The following CTNNA2 variants were observed in gnomAD, a reference collection of about 807,000 sequenced individuals.
CTNNA2 encodes the protein catenin alpha 2.
Under a neutral mutation model 101.0 loss-of-function variants are expected in CTNNA2, and 42 were observed. That is an observed-to-expected ratio of 0.42 (90% CI 0.32 to 0.54). The LOEUF is 0.54. Ranked by LOEUF, CTNNA2 falls within the 20% of genes least tolerant of loss-of-function variation. CTNNA2 has a pLI of 0.14. For missense variants in CTNNA2, 871 were observed against 1,223.1 expected, an observed-to-expected ratio of 0.71 and a Z score of 4.29; for synonymous variants, 450 against 456.4, an observed-to-expected ratio of 0.99 and a Z score of 0.18.
intron 17 of CTNNA2, 131 bp downstream of exon 17, chr2:80,608,449 G>T (rs1184305528): frequency 3.4e-6 from 3 of 881,522 alleles, no homozygotes; most frequent in Non-Finnish European, 3.3e-6. Context: ...TTAAATAAAT[G>T]TTATCACCAT....
In CTNNA2 at chr2:80,340,034, A is replaced by G. The variant is rs114242257; in HGVS notation, c.1057-53177A>G. 4.5e-3 allele frequency among the ~76,000 whole-genome samples: 683 copies of G among 152,300 alleles called. 12 individuals are homozygous for G. Among genetic ancestry groups the G allele is most frequent in the South Asian group, 0.024 (114 of 4,828 alleles). On this transcript the variant is annotated intron_variant, in intron 7 of 18. Coordinates refer to ENST00000402739, the MANE Select transcript of CTNNA2 (RefSeq NM_001282597.3). ...CTTACAAAGTATATGCAGCTTTTTC[A>G]TCAAACATACAAGTAATTGCAGAGA...
At chr2:80,260,254 A>G (rs1415622554) in intron 7 of CTNNA2, among the ~76,000 whole-genome samples, 1 of 152,210 alleles carries the variant, frequency 6.6e-6, no homozygotes, top group Non-Finnish European at 1.5e-5. Flanking sequence ...ATAATAAGCA[A>G]CGACCTGGAA....
chr2:79,600,200 A>G lies in CTNNA2; in HGVS notation c.-5-51352A>G, dbSNP rs992727638. On this transcript the variant is annotated intron_variant, in intron 1 of 18. Coordinates refer to ENST00000402739, the MANE Select transcript of CTNNA2 (RefSeq NM_001282597.3). ...GTTATTTTATTTTATTTTTGAGACT[A>G]TGTCTTCCTCTGTCACCCAGGCTGG... Among the ~76,000 whole-genome samples, 10 of 151,350 alleles carry G rather than the reference A, an allele frequency of 6.6e-5. No individual in the cohort carries two copies. The South Asian group carries it at 1.7e-3, about 25-fold the overall frequency.
At chr2:80,263,805 C>T (rs564344010) in intron 7 of CTNNA2, among the ~76,000 whole-genome samples, 1 of 152,190 alleles carries the variant, frequency 6.6e-6, no homozygotes, top group African/African-American at 2.4e-5. Context: ...TCTAGTCTAA[C>T]ACTTGAATAT....
At chr2:80,585,486 T>G (rs535834445) in intron 14 of CTNNA2, among the ~76,000 whole-genome samples, 1 of 152,172 alleles carries the variant, frequency 6.6e-6, no homozygotes, top group African/African-American at 2.4e-5. Context: ...AACTTCAACC[T>G]GTCCTGGGTA....
intron 9 of CTNNA2, among the ~76,000 whole-genome samples, chr2:80,516,470 A>G (rs776410915): frequency 6.6e-6 from 1 of 152,108 alleles, no homozygotes; most frequent in Non-Finnish European, 1.5e-5. Flanking sequence ...CTCCCCATTA[A>G]TGCTCCCCAT....
intron 12 of CTNNA2, among the ~76,000 whole-genome samples, chr2:80,559,705 C>G (rs1395247004): frequency 6.6e-6 from 1 of 152,034 alleles, no homozygotes. Flanking sequence ...CCATTAAATA[C>G]TTACATGGCA....
At chr2:79,343,649 G>T (rs1677188123) in intron 3 of CTNNA2, among the ~76,000 whole-genome samples, 1 of 151,998 alleles carries the variant, frequency 6.6e-6, no homozygotes, top group Non-Finnish European at 1.5e-5. Context: ...ACAATCTCAG[G>T]GATTTGGATT....
chr2:79,917,324 T>C (rs975809302), intron 7 of CTNNA2, among the ~76,000 whole-genome samples: 23 of 152,282 alleles, frequency 1.5e-4, no homozygotes, highest in African/African-American at 5.5e-4. Flanking sequence ...TGCCTTGGCC[T>C]CCCAAAGTGC....
At chr2:80,038,575 G>A (rs1574606948) in intron 7 of CTNNA2, among the ~76,000 whole-genome samples, 1 of 152,254 alleles carries the variant, frequency 6.6e-6, no homozygotes, top group Non-Finnish European at 1.5e-5. Context: ...ACAAAAATTA[G>A]CCAGGCACGG....
At chr2:79,571,851 T>C (rs1366076709) in intron 1 of CTNNA2, among the ~76,000 whole-genome samples, 3 of 152,174 alleles carry the variant, frequency 2.0e-5, no homozygotes, top group South Asian at 2.1e-4. Context: ...CTATTTCCCT[T>C]ACCTTTCCCT....
At chr2:80,169,156 T>C (rs2148959056) in intron 7 of CTNNA2, among the ~76,000 whole-genome samples, 1 of 152,336 alleles carries the variant, frequency 6.6e-6, no homozygotes, top group African/African-American at 2.4e-5. Flanking sequence ...TTGTGGGGCC[T>C]CTTGCCTGGG....
intron 7 of CTNNA2, among the ~76,000 whole-genome samples, chr2:80,098,909 C>T (rs1303249962): frequency 2.0e-5 from 3 of 152,108 alleles, no homozygotes; most frequent in Non-Finnish European, 4.4e-5. Flanking sequence ...TCTGTCACCC[C>T]TTTCTTTGAC....
At chr2:80,504,381 T>A (rs1688109816) in intron 9 of CTNNA2, among the ~76,000 whole-genome samples, 2 of 152,282 alleles carry the variant, frequency 1.3e-5, no homozygotes, top group Middle Eastern at 3.4e-3. Flanking sequence ...GCTCCATAGA[T>A]AAGGCTGGGC....
intron 9 of CTNNA2, among the ~76,000 whole-genome samples, chr2:80,493,350 GT>G (rs1374326253): frequency 2.6e-5 from 4 of 152,138 alleles, no homozygotes; most frequent in African/African-American, 9.7e-5. Context: ...AGCGTCTCTG[GT>G]TTCTCTGGGA....
At chr2:79,847,849 A>G (rs1310625641) in intron 3 of CTNNA2, among the ~76,000 whole-genome samples, 1 of 152,120 alleles carries the variant, frequency 6.6e-6, no homozygotes, top group Non-Finnish European at 1.5e-5. Context: ...AGATGCTAGC[A>G]TGTTTGATGC....
chr2:79,375,771 G>A (rs977111981), intron 4 of CTNNA2, among the ~76,000 whole-genome samples: 1 of 152,126 alleles, frequency 6.6e-6, no homozygotes, highest in Non-Finnish European at 1.5e-5. Flanking sequence ...AAACATATGA[G>A]CCACTTCAAA....
intron 8 of CTNNA2, among the ~76,000 whole-genome samples, chr2:80,405,916 C>T (rs1477406819): frequency 6.6e-6 from 1 of 152,142 alleles, no homozygotes; most frequent in Admixed American, 6.5e-5. Flanking sequence ...CTTAGTTTTT[C>T]ACGAATGCAT....
rs1217096263 is a variant in CTNNA2, at chr2:79,880,480, T to G, written c.852+6138T>G. Among the ~76,000 whole-genome samples, 8 of 152,310 alleles carry G rather than the reference T, an allele frequency of 5.3e-5. No homozygotes were observed. The East Asian group carries it at 1.5e-3, about 29-fold the overall frequency. On this transcript the variant is annotated intron_variant, in intron 6 of 18. Coordinates refer to ENST00000402739, the MANE Select transcript of CTNNA2 (RefSeq NM_001282597.3). ...TTTTGGTTGGTAGGCTATTAATTAC[T>G]GCCTCAAATTCAGAACTTGTTATTG...
Sources: allele counts gnomAD v4.1 joint callset (sites outside exome capture counted in the v4.1 genomes callset), GRCh38; gene constraint gnomAD v4.1.1; transcripts MANE v1.5; gene names NCBI Gene and HGNC (gene_info 2026-07-23, HGNC 2026-07-21).